CDH18: variants seen among roughly 807,000 people sequenced by gnomAD.
CDH18 encodes cadherin-18.
Under a neutral mutation model 67.9 loss-of-function variants are expected in CDH18, and 31 were observed. The ratio of observed to expected loss-of-function variants is 0.46; its 90% CI spans 0.34 to 0.62. The LOEUF is 0.62. CDH18 is among the 20% of genes least tolerant of loss of function. The pLI is 0.01. For synonymous variants in CDH18, 362 were observed against 347.2 expected (o/e 1.04, Z -0.48); for missense variants, 890 against 975.5 (o/e 0.91, Z 1.17).
chr5:19,622,989 T>G (rs570312294), intron 5 of CDH18, among the ~76,000 whole-genome samples: 1 of 152,204 alleles, frequency 6.6e-6, no homozygotes, highest in Non-Finnish European at 1.5e-5. Context: ...GTTTTCTAGA[T>G]CAATTGCTAA....
Position 20,036,499 on chromosome 5 carries a change from T to G in CDH18, c.-517-44485A>C, listed in dbSNP as rs569719099. On this transcript the variant is annotated intron_variant, in intron 2 of 14. Coordinates refer to the CDH18 transcript ENST00000507958. ...GTCATGTTCAAAGCTTTTAAATGAC[T>G]AGATTAGAACCTCTAAGGTATGTCA... Among the ~76,000 whole-genome samples, 3 of 152,032 alleles carry G rather than the reference T, an allele frequency of 2.0e-5. No individual in the cohort carries two copies. The South Asian group carries it at 6.2e-4, about 31-fold the overall frequency.
At chr5:19,696,866 T>G (rs952267882) in intron 5 of CDH18, among the ~76,000 whole-genome samples, 1 of 152,204 alleles carries the variant, frequency 6.6e-6, no homozygotes, top group Non-Finnish European at 1.5e-5. Context: ...ATGATAGGCA[T>G]AGTTCATTTG....
At chr5:20,526,620 T>A (rs1159853241) in intron 1 of CDH18, among the ~76,000 whole-genome samples, 2 of 152,038 alleles carry the variant, frequency 1.3e-5, no homozygotes, top group East Asian at 3.9e-4. Context: ...AAACAGGGTC[T>A]GGAGTGGGCC....
chr5:20,312,612 C>A (rs1362081184), intron 1 of CDH18, among the ~76,000 whole-genome samples: 1 of 152,040 alleles, frequency 6.6e-6, no homozygotes, highest in Non-Finnish European at 1.5e-5. Flanking sequence ...TTAGCCCTTC[C>A]TTGAAAACTG....
chr5:19,659,341 G>A (rs1310774667), intron 5 of CDH18, among the ~76,000 whole-genome samples: 1 of 152,064 alleles, frequency 6.6e-6, no homozygotes, highest in Non-Finnish European at 1.5e-5. Flanking sequence ...TTGGATTAAT[G>A]TCAAATGATT....
At chr5:20,117,532 G>A (rs186467635) in intron 2 of CDH18, among the ~76,000 whole-genome samples, 7 of 152,220 alleles carry the variant, frequency 4.6e-5, no homozygotes, top group Admixed American at 2.0e-4. Flanking sequence ...ATTCTAAATT[G>A]AGGATCTATT....
chr5:20,202,095 G>A (rs6886529), intron 2 of CDH18, among the ~76,000 whole-genome samples: 3,493 of 152,260 alleles, frequency 0.023, 122 homozygotes, highest in African/African-American at 0.079. Flanking sequence ...GACTTGTACT[G>A]CATTAATCTA....
intron 11 of CDH18, among the ~76,000 whole-genome samples, chr5:19,490,742 C>T (rs940215603): frequency 6.6e-6 from 1 of 151,880 alleles, no homozygotes; most frequent in African/African-American, 2.4e-5. Flanking sequence ...TTTTGTTTTT[C>T]TACTTCTATT....
chr5:19,837,366 C>T (rs1024268063), intron 3 of CDH18, among the ~76,000 whole-genome samples: 3 of 151,726 alleles, frequency 2.0e-5, no homozygotes, highest in Admixed American at 2.0e-4. Context: ...ATGCAACAAA[C>T]CTGCATATTC....
At chr5:20,575,489 T>C (rs1759066140) in exon 1 of CDH18, 1 of 152,156 alleles carries the variant, frequency 6.6e-6, no homozygotes, top group Non-Finnish European at 1.5e-5. Context: ...TCCTGTTCAA[T>C]GCTGGAAGAA....
intron 1 of CDH18, among the ~76,000 whole-genome samples, chr5:20,574,811 T>C (rs1404830742): frequency 6.6e-6 from 1 of 152,132 alleles, no homozygotes; most frequent in Non-Finnish European, 1.5e-5. Context: ...AGGTAAGCAA[T>C]GAACTCTAAA....
intron 4 of CDH18, among the ~76,000 whole-genome samples, chr5:19,725,141 T>C (rs1766654460): frequency 6.6e-6 from 1 of 152,156 alleles, no homozygotes; most frequent in Admixed American, 6.5e-5. Flanking sequence ...TTAGCCAGGA[T>C]AGTCTCGATC....
At chr5:19,874,016 C>T (rs1013723349) in intron 2 of CDH18, among the ~76,000 whole-genome samples, 2 of 152,102 alleles carry the variant, frequency 1.3e-5, no homozygotes, top group Admixed American at 1.3e-4. Flanking sequence ...GAACATGTTG[C>T]AACACATAAT....
Position 19,543,906 on chromosome 5 carries a change from A to T in CDH18, c.1353T>A (p.Thr451=). 1.3e-6 allele frequency: 2 copies of T among 1,590,466 alleles called. No homozygotes were observed. The highest frequency in any genetic ancestry group is 3.4e-4 in the Middle Eastern group (2 of 5,940). The change falls in exon 9 of 13, where the codon ACT becomes ACA. Residue 451 remains threonine, a synonymous_variant. Coordinates refer to ENST00000382275, the MANE Select transcript of CDH18 (RefSeq NM_004934.5). ...RTTKVLDREE[T]PWYNITVTAS... ...CAGTGACTGTGATGTTGTACCATGG[A>T]GTTTCTTCTCTGTCGAGAACCTTTG... is the stretch of plus-strand genomic sequence containing the variant.
At chr5:20,093,826 G>T (rs967910023) in intron 2 of CDH18, among the ~76,000 whole-genome samples, 4 of 152,100 alleles carry the variant, frequency 2.6e-5, no homozygotes, top group Admixed American at 2.6e-4. Flanking sequence ...AGTCAGAGAA[G>T]CCAGTGAAGT....
intron 2 of CDH18, among the ~76,000 whole-genome samples, chr5:20,075,541 G>C (rs1229373535): frequency 6.6e-6 from 1 of 152,038 alleles, no homozygotes; most frequent in Admixed American, 6.6e-5. Flanking sequence ...CTGAAGAGTT[G>C]TTCAGCTCTG....
At chr5:20,030,252 T>C (rs1449999302) in intron 2 of CDH18, among the ~76,000 whole-genome samples, 1 of 152,148 alleles carries the variant, frequency 6.6e-6, no homozygotes, top group East Asian at 1.9e-4. Context: ...TCAAAAGGAC[T>C]CTGAACAGGA....
intron 1 of CDH18, among the ~76,000 whole-genome samples, chr5:20,398,680 C>A (rs566455245): frequency 3.3e-5 from 5 of 151,530 alleles, no homozygotes; most frequent in Non-Finnish European, 2.9e-5. Context: ...CACACATATA[C>A]CTATGTAAAA....
In CDH18 at chr5:20,172,210, A is replaced by ACATATATATACG. The variant is rs1478085064; in HGVS notation, c.-518+83233_-518+83234insCGTATATATATG. On this transcript the variant is annotated intron_variant, in intron 2 of 14. Transcript: ENST00000507958. ...TGTGTGTATATATATATATATATAT[A>ACATATATATACG]TATATATATATATGTATATATATAT... 7.4e-5 allele frequency among the ~76,000 whole-genome samples: 5 copies of ACATATATATACG among 67,470 alleles called. 1 individual carries two copies. The highest frequency in any genetic ancestry group is 3.5e-4 in the African/African-American group (5 of 14,376). 44.3% of individuals were successfully genotyped at this position (67,470 alleles called of 152,430 possible).
Sources: gnomAD v4.1 joint callset for allele counts (sites outside exome capture counted in the v4.1 genomes callset) on GRCh38, gnomAD v4.1.1 for gene constraint, MANE v1.5 for transcripts, NCBI Gene and HGNC (gene_info 2026-07-23, HGNC 2026-07-21) for gene names.